Variants in IGFL4 observed in about 807,000 individuals in gnomAD.
IGFL4 encodes IGF like family member 4, also known as insulin growth factor-like family member 4.
IGFL4 carries 12 observed loss-of-function variants against 15.4 expected under a neutral mutation model. The ratio of observed to expected loss-of-function variants is 0.78; its 90% CI spans 0.50 to 1.26. IGFL4 has a LOEUF of 1.26. Ranked by LOEUF, IGFL4 falls within the 50% of genes most tolerant of loss-of-function variation. The pLI is 0.00. For synonymous variants in IGFL4, 54 were observed against 55.9 expected, an observed-to-expected ratio of 0.97 and a Z score of 0.16; for missense variants, 126 against 147.8, an observed-to-expected ratio of 0.85 and a Z score of 0.76.
Position 46,040,618 on chromosome 19 carries a change from AC to A in IGFL4, c.20-51del. 1 of 1,585,746 alleles carries A rather than the reference AC, an allele frequency of 6.3e-7. No individual in the cohort carries two copies. Among genetic ancestry groups the A allele is most frequent in the Non-Finnish European group, 8.7e-7 (1 of 1,155,006 alleles). ...ATGATTCTGAGGTCACTAGGTCTTG[AC>A]CACGGGGCACAGGATGATGTCTCTG... On this transcript the variant is annotated intron_variant, in intron 1 of 3. Transcript: ENST00000377697. This position sits in a 1 kb window ranked among gnomAD's most constrained non-coding sequence, Gnocchi z 4.1.
intron 2 of IGFL4, among the ~76,000 whole-genome samples, chr19:46,054,934 A>G (rs1276760254): frequency 6.6e-6 from 1 of 152,220 alleles, no homozygotes; most frequent in Non-Finnish European, 1.5e-5. Flanking sequence ...TGCCAAATCA[A>G]TACATCCCTT....
chr19:46,056,495 C>T (rs922370122), intron 2 of IGFL4, among the ~76,000 whole-genome samples: 1 of 152,206 alleles, frequency 6.6e-6, no homozygotes, highest in Admixed American at 6.5e-5. Context: ...GGATCTCCTC[C>T]ACTCGCTCCC....
At chr19:46,061,153 T>C (rs1321198915) in intron 1 of IGFL4, among the ~76,000 whole-genome samples, 3 of 152,200 alleles carry the variant, frequency 2.0e-5, no homozygotes, top group Non-Finnish European at 2.9e-5. Context: ...ACCTTCAGCT[T>C]TATTCTATCT....
intron 1 of IGFL4, among the ~76,000 whole-genome samples, chr19:46,070,412 T>C (rs1284627736): frequency 6.6e-6 from 1 of 152,166 alleles, no homozygotes; most frequent in Non-Finnish European, 1.5e-5. Context: ...GGCTTTAAAT[T>C]CTAGCCCTTA....
At chr19:46,073,481 A>G (rs368614844) in intron 1 of IGFL4, among the ~76,000 whole-genome samples, 2 of 152,168 alleles carry the variant, frequency 1.3e-5, no homozygotes, top group East Asian at 1.9e-4. Context: ...GAATAACACT[A>G]TCACCCACAA....
intron 2 of IGFL4, among the ~76,000 whole-genome samples, chr19:46,057,411 G>C (rs1969402898): frequency 6.6e-6 from 1 of 152,012 alleles, no homozygotes; most frequent in Non-Finnish European, 1.5e-5. Context: ...GAAACTTTTT[G>C]TATCCAGAAA....
At chr19:46,074,829 A>C (rs1227238095) in intron 1 of IGFL4, among the ~76,000 whole-genome samples, 1 of 152,216 alleles carries the variant, frequency 6.6e-6, no homozygotes, top group Non-Finnish European at 1.5e-5. Context: ...TGCATCCTTC[A>C]ATCCAATCGA....
chr19:46,062,660 G>A (rs1180257158), intron 1 of IGFL4: 1 of 152,324 alleles, frequency 6.6e-6, no homozygotes, highest in Non-Finnish European at 1.5e-5. Context: ...TAACAGAAAA[G>A]AGAGAAAAGA....
chr19:46,049,739 A>G (rs941074893), intron 2 of IGFL4, among the ~76,000 whole-genome samples: 2 of 152,128 alleles, frequency 1.3e-5, no homozygotes, highest in African/African-American at 2.4e-5. Flanking sequence ...AGCCCTGCCC[A>G]TCACCTGAGA....
chr19:46,071,310 G>A (rs1047647056), intron 1 of IGFL4, among the ~76,000 whole-genome samples: 1 of 152,048 alleles, frequency 6.6e-6, no homozygotes, highest in Non-Finnish European at 1.5e-5. Flanking sequence ...TGGGGGTAAG[G>A]AGAAGACACA....
chr19:46,043,438 C>G (rs943226805), upstream of IGFL4, among the ~76,000 whole-genome samples: 3 of 152,034 alleles, frequency 2.0e-5, no homozygotes, highest in Admixed American at 6.5e-5. Flanking sequence ...CAGATAGAAG[C>G]AAAATAATTC....
chr19:46,077,355 G>A (rs1400695668), upstream of IGFL4, among the ~76,000 whole-genome samples: 1 of 152,132 alleles, frequency 6.6e-6, no homozygotes, highest in Non-Finnish European at 1.5e-5. This position sits in a 1 kb window ranked among gnomAD's most constrained non-coding sequence, Gnocchi z 5.4. Context: ...ACCTGCCCAG[G>A]CTGCAAAACC....
chr19:46,053,441 C>T (rs1485195798), intron 2 of IGFL4, among the ~76,000 whole-genome samples: 2 of 152,108 alleles, frequency 1.3e-5, no homozygotes, highest in Non-Finnish European at 2.9e-5. Context: ...TCTGGAACTC[C>T]TGGCCTCGAG....
rs564691331 is a variant in IGFL4, at chr19:46,053,557, T to C, written c.-323+6628A>G. On this transcript the variant is annotated intron_variant, in intron 2 of 5. Coordinates refer to the IGFL4 transcript ENST00000601672. Reference sequence around the variant, plus strand: ...GTAGGTTGATTCCATATCTTGGTTATTGTGAATACTACTGCAATAAACATG... The same window carrying C: ...GTAGGTTGATTCCATATCTTGGTTACTGTGAATACTACTGCAATAAACATG... Among the ~76,000 whole-genome samples the C allele has an allele frequency of 4.6e-5, 7 of 152,300 alleles. No homozygotes were observed. In the East Asian group the frequency reaches 9.6e-4, roughly 21 times the overall value.
intron 1 of IGFL4, among the ~76,000 whole-genome samples, chr19:46,075,523 A>T (rs1259673248): frequency 6.6e-6 from 1 of 152,140 alleles, no homozygotes; most frequent in Admixed American, 6.5e-5. Flanking sequence ...AATTTGTGTG[A>T]TTTTTCCCTC....
chr19:46,056,152 T>C (rs566655618), intron 2 of IGFL4, among the ~76,000 whole-genome samples: 79 of 152,204 alleles, frequency 5.2e-4, no homozygotes, highest in Non-Finnish European at 9.8e-4. Context: ...ATGCAATCAA[T>C]AGGACTTGCA....
At chr19:46,069,030 C>T (rs28406227) in intron 1 of IGFL4, among the ~76,000 whole-genome samples, 4,183 of 152,220 alleles carry the variant, frequency 0.027, 189 homozygotes, top group African/African-American at 0.095. Context: ...AGTTCTGGAT[C>T]GGGGCTGCTG....
At chr19:46,066,510 AG>A (rs1398550730) in intron 1 of IGFL4, among the ~76,000 whole-genome samples, 5 of 152,178 alleles carry the variant, frequency 3.3e-5, no homozygotes, top group Non-Finnish European at 7.3e-5. Flanking sequence ...GAAATACCCA[AG>A]GCTAGGTAAT....
At chr19:46,069,003 C>G (rs1324935519) in intron 1 of IGFL4, among the ~76,000 whole-genome samples, 1 of 152,168 alleles carries the variant, frequency 6.6e-6, no homozygotes. Context: ...CTGATTCTGA[C>G]TGGAGGGGCA....
Sources: allele counts gnomAD v4.1 joint callset (sites outside exome capture counted in the v4.1 genomes callset), GRCh38; gene constraint gnomAD v4.1.1; non-coding constraint Gnocchi (gnomAD v3.1); transcripts MANE v1.5; gene names NCBI Gene and HGNC (gene_info 2026-07-23, HGNC 2026-07-21).